Variants in XKR9 observed in about 807,000 individuals in gnomAD.
The protein encoded by XKR9 is XK related 9, also known as XK-related protein 9.
In XKR9, 32 loss-of-function variants were observed where a neutral mutation model predicts 32.0. The observed-to-expected ratio is 1.00, with a 90% CI of 0.76 to 1.34. The LOEUF (loss-of-function observed/expected upper bound fraction) is 1.34. Among genes scored for constraint, XKR9 ranks in the 40% most tolerant of loss-of-function variants. XKR9 has a pLI of 0.00. For missense variants in XKR9, 546 were observed against 429.7 expected (o/e 1.27, Z -2.39); for synonymous variants, 168 against 143.4 (o/e 1.17, Z -1.22).
the XKR9 span, among the ~76,000 whole-genome samples, chr8:70,957,479 C>T: frequency 5.3e-5 from 8 of 152,066 alleles, no homozygotes; most frequent in Admixed American, 6.5e-5. Flanking sequence ...ATTATCACAT[C>T]GCCTAGGTAT....
chr8:70,848,261 A>G, the XKR9 span, among the ~76,000 whole-genome samples: 2 of 152,092 alleles, frequency 1.3e-5, no homozygotes, highest in African/African-American at 4.8e-5. Flanking sequence ...AATAAAATTC[A>G]ACATCCTTTT....
At chr8:70,812,549 T>C in the XKR9 span, among the ~76,000 whole-genome samples, 1 of 152,212 alleles carries the variant, frequency 6.6e-6, no homozygotes, top group Non-Finnish European at 1.5e-5. Flanking sequence ...AACCCCATCG[T>C]CTCAGCCCAA....
the XKR9 span, among the ~76,000 whole-genome samples, chr8:70,954,387 G>C: frequency 6.6e-6 from 1 of 152,122 alleles, no homozygotes; most frequent in African/African-American, 2.4e-5. Context: ...TCACCACGTA[G>C]GTGCATAACA....
the XKR9 span, among the ~76,000 whole-genome samples, chr8:70,805,168 G>C: frequency 2.0e-5 from 3 of 152,188 alleles, no homozygotes; most frequent in Non-Finnish European, 4.4e-5. Flanking sequence ...GCCCACCTAA[G>C]AGCCACACAG....
chr8:70,902,379 A>T, the XKR9 span, among the ~76,000 whole-genome samples: 1 of 152,176 alleles, frequency 6.6e-6, no homozygotes, highest in African/African-American at 2.4e-5. Context: ...ATCCCTTGTA[A>T]GTTGGATTCC....
chr8:70,839,455 A>G, the XKR9 span, among the ~76,000 whole-genome samples: 2 of 152,246 alleles, frequency 1.3e-5, no homozygotes, highest in Admixed American at 1.3e-4. Flanking sequence ...CAGATAAACC[A>G]ATACACTACA....
In XKR9 at chr8:70,712,198, A is replaced by T. The variant is rs1471501199; in HGVS notation, c.493+5045A>T. Among the ~76,000 whole-genome samples the T allele has an allele frequency of 5.9e-5, 9 of 152,278 alleles. No individual in the cohort carries two copies. The South Asian group carries it at 1.5e-3, about 25-fold the overall frequency. ...TAAATGTTTAGAAGATGGAAAGCAG[A>T]TGGAAAACCTAGGTTATTTAAATCA... On this transcript the variant is annotated intron_variant, in intron 4 of 4. Coordinates refer to ENST00000408926, the MANE Select transcript of XKR9 (RefSeq NM_001011720.2).
intron 3 of XKR9, among the ~76,000 whole-genome samples, chr8:70,685,460 C>G (rs1437640180): frequency 7.0e-6 from 1 of 142,322 alleles, no homozygotes; most frequent in African/African-American, 2.7e-5. Flanking sequence ...CTAACCTGCA[C>G]ATTGCACACA....
At chr8:71,016,447 T>G in the XKR9 span, among the ~76,000 whole-genome samples, 17 of 152,192 alleles carry the variant, frequency 1.1e-4, no homozygotes, top group African/African-American at 4.1e-4. Flanking sequence ...TCCTGTGCTC[T>G]GGAAAAGCCC....
chr8:70,767,452 T>C (rs1807393449), intron 2 of XKR9, among the ~76,000 whole-genome samples: 2 of 151,814 alleles, frequency 1.3e-5, no homozygotes, highest in Admixed American at 6.6e-5. Context: ...GATACCCCCT[T>C]TATCATTTTT....
chr8:70,840,900 TG>T, the XKR9 span, among the ~76,000 whole-genome samples: 1 of 152,204 alleles, frequency 6.6e-6, no homozygotes. Context: ...TTATAAAAAA[TG>T]GTTATATCAA....
the XKR9 span, among the ~76,000 whole-genome samples, chr8:70,813,529 T>C: frequency 1.5e-4 from 23 of 152,180 alleles, no homozygotes; most frequent in African/African-American, 3.6e-4. Context: ...AGAAAATTTT[T>C]GCAACCTACT....
At chr8:71,047,370 CAG>C in the XKR9 span, among the ~76,000 whole-genome samples, 1 of 152,178 alleles carries the variant, frequency 6.6e-6, no homozygotes, top group Non-Finnish European at 1.5e-5. Context: ...TAGTGCAAGA[CAG>C]AGTAAAGGGT....
At chr8:70,721,264 T>C (rs1321892521) in intron 4 of XKR9, among the ~76,000 whole-genome samples, 1 of 152,210 alleles carries the variant, frequency 6.6e-6, no homozygotes, top group Non-Finnish European at 1.5e-5. Context: ...TCTGGATTCA[T>C]TGATTTTTTT....
the XKR9 span, among the ~76,000 whole-genome samples, chr8:70,822,810 C>A: frequency 3.8e-3 from 576 of 152,030 alleles, 4 homozygotes; most frequent in Non-Finnish European, 6.9e-3. Context: ...ACTGAGACGG[C>A]CAAGTTCCTA....
At chr8:70,855,038 G>GT in the XKR9 span, among the ~76,000 whole-genome samples, 1 of 152,112 alleles carries the variant, frequency 6.6e-6, no homozygotes, top group Non-Finnish European at 1.5e-5. Context: ...CTTTAAAGTA[G>GT]TTTTTTCCAA....
At chr8:70,755,936 G>A (rs1202255227) in intron 2 of XKR9, among the ~76,000 whole-genome samples, 1 of 151,650 alleles carries the variant, frequency 6.6e-6, no homozygotes, top group Non-Finnish European at 1.5e-5. Flanking sequence ...AAAGATTTTG[G>A]TTTCATATTC....
At chr8:70,969,319 T>C in the XKR9 span, among the ~76,000 whole-genome samples, 1 of 152,186 alleles carries the variant, frequency 6.6e-6, no homozygotes, top group African/African-American at 2.4e-5. Flanking sequence ...ATTAAAACTA[T>C]GTAATAAAAC....
chr8:71,017,023 A>G, the XKR9 span, among the ~76,000 whole-genome samples: 7 of 152,222 alleles, frequency 4.6e-5, no homozygotes. Flanking sequence ...TTAATTAATA[A>G]CTATGTAAGT....
Sources: allele counts gnomAD v4.1 joint callset (sites outside exome capture counted in the v4.1 genomes callset), GRCh38; gene constraint gnomAD v4.1.1; transcripts MANE v1.5; gene names NCBI Gene and HGNC (gene_info 2026-07-23, HGNC 2026-07-21).